Variants in MTHFD1L observed in about 807,000 individuals in gnomAD.
MTHFD1L encodes the protein monofunctional C1-tetrahydrofolate synthase, mitochondrial.
Under a neutral mutation model 119.5 loss-of-function variants are expected in MTHFD1L, and 81 were observed. The observed-to-expected ratio is 0.68, with a 90% CI of 0.57 to 0.82. The LOEUF is 0.82. Ranked by LOEUF, MTHFD1L falls within the 40% of genes least tolerant of loss-of-function variation. The pLI is 0.00. For missense variants in MTHFD1L, 1,125 were observed against 1,253.4 expected, an observed-to-expected ratio of 0.90 and a Z score of 1.55; for synonymous variants, 430 against 475.2, an observed-to-expected ratio of 0.90 and a Z score of 1.24.
intron 26 of MTHFD1L, among the ~76,000 whole-genome samples, chr6:151,072,600 G>A (rs1041270721): frequency 1.3e-5 from 2 of 151,926 alleles, no homozygotes; most frequent in Non-Finnish European, 2.9e-5. Flanking sequence ...ATCAGCATGA[G>A]CAACATGTTG....
At chr6:150,871,324 G>GGT (rs762053931) in intron 1 of MTHFD1L, among the ~76,000 whole-genome samples, 64 of 149,476 alleles carry the variant, frequency 4.3e-4, no homozygotes, top group Non-Finnish European at 7.8e-4. Context: ...AAGACAATGA[G>GGT]GTTTGCTGTA....
chr6:150,921,910 C>G (rs1562383166), intron 9 of MTHFD1L, among the ~76,000 whole-genome samples: 1 of 152,174 alleles, frequency 6.6e-6, no homozygotes, highest in East Asian at 1.9e-4. Flanking sequence ...GCTGGATCAT[C>G]AAGTTCATGC....
intron 8 of MTHFD1L, among the ~76,000 whole-genome samples, chr6:150,908,080 G>A (rs946134220): frequency 2.3e-5 from 3 of 130,678 alleles, no homozygotes; most frequent in African/African-American, 5.8e-5. Flanking sequence ...TTTTTTTTTT[G>A]TATTTTTAGT....
chr6:151,062,918 A>G (rs1484318384), intron 26 of MTHFD1L, among the ~76,000 whole-genome samples: 1 of 152,074 alleles, frequency 6.6e-6, no homozygotes, highest in Non-Finnish European at 1.5e-5. Flanking sequence ...TAGCATTAGG[A>G]GATATACCTA....
intron 27 of MTHFD1L, among the ~76,000 whole-genome samples, chr6:151,093,889 C>T (rs959042708): frequency 1.3e-5 from 2 of 152,184 alleles, no homozygotes; most frequent in Non-Finnish European, 2.9e-5. Flanking sequence ...CGGGTTTGCA[C>T]AGTCTCAGGT....
intron 20 of MTHFD1L, among the ~76,000 whole-genome samples, chr6:150,976,997 CCTTTAATGAGCATTTATTAAG>C (rs1776674716): frequency 6.6e-6 from 1 of 152,122 alleles, no homozygotes; most frequent in African/African-American, 2.4e-5. Context: ...CTTCAGTACC[CCTTTAATGAGCATTTATTAAG>C]CTTCTGCTAT....
chr6:150,938,077 G>T (rs1792426209), intron 12 of MTHFD1L, among the ~76,000 whole-genome samples: 1 of 152,166 alleles, frequency 6.6e-6, no homozygotes, highest in East Asian at 1.9e-4. Context: ...GAATGCAGTG[G>T]TGCAATCTCG....
intron 8 of MTHFD1L, among the ~76,000 whole-genome samples, chr6:150,906,998 C>A (rs1196485552): frequency 1.5e-4 from 22 of 150,266 alleles, no homozygotes; most frequent in African/African-American, 5.4e-4. Context: ...ATTCATATAA[C>A]TTTTTTTCCC....
chr6:150,989,557 C>G (rs1363109306), intron 20 of MTHFD1L, among the ~76,000 whole-genome samples: 2 of 152,118 alleles, frequency 1.3e-5, no homozygotes, highest in Non-Finnish European at 2.9e-5. Context: ...TTTTAGTTTG[C>G]TAGTGGATGC....
intron 7 of MTHFD1L, among the ~76,000 whole-genome samples, chr6:150,900,924 A>G (rs180772735): frequency 9.2e-5 from 14 of 152,088 alleles, no homozygotes; most frequent in African/African-American, 3.1e-4. Flanking sequence ...CTGAGGCAGG[A>G]GAATGGCATG....
intron 16 of MTHFD1L, among the ~76,000 whole-genome samples, chr6:150,950,609 C>T (rs1312430178): frequency 6.6e-6 from 1 of 152,194 alleles, no homozygotes; most frequent in African/African-American, 2.4e-5. Context: ...GACCCAAAAG[C>T]TCTGCCCACA....
intron 9 of MTHFD1L, among the ~76,000 whole-genome samples, chr6:150,921,690 G>A (rs1788966456): frequency 6.6e-6 from 1 of 152,156 alleles, no homozygotes; most frequent in Non-Finnish European, 1.5e-5. Flanking sequence ...TGGGATTATA[G>A]GTGCGCATCA....
At chr6:150,976,568 G>A (rs868819122) in intron 20 of MTHFD1L, among the ~76,000 whole-genome samples, 2 of 152,140 alleles carry the variant, frequency 1.3e-5, no homozygotes, top group Non-Finnish European at 2.9e-5. Context: ...AAAAGTTGTC[G>A]TTTATAGTAG....
intron 11 of MTHFD1L, chr6:150,935,348 C>A (rs1791876925): frequency 6.2e-7 from 1 of 1,613,364 alleles, no homozygotes; most frequent in Non-Finnish European, 8.5e-7. Context: ...TCAAGGAGTC[C>A]CTGTACTTAT....
At chr6:151,101,319 C>A (rs1168369540) in intron 27 of MTHFD1L, among the ~76,000 whole-genome samples, 1 of 152,124 alleles carries the variant, frequency 6.6e-6, no homozygotes, top group Admixed American at 6.5e-5. Flanking sequence ...TGTGCCTGCT[C>A]TTATAGAGTG....
chr6:151,068,476 C>T (rs1791568748), intron 26 of MTHFD1L, among the ~76,000 whole-genome samples: 1 of 152,144 alleles, frequency 6.6e-6, no homozygotes, highest in Non-Finnish European at 1.5e-5. Flanking sequence ...GTAGCTGCTG[C>T]GGGTCAGATT....
intron 1 of MTHFD1L, among the ~76,000 whole-genome samples, chr6:150,870,904 G>A (rs903093307): frequency 8.0e-5 from 12 of 149,128 alleles, no homozygotes; most frequent in Admixed American, 5.4e-4. Context: ...GAAACAGAGC[G>A]AGACTCCGTC....
intron 7 of MTHFD1L, among the ~76,000 whole-genome samples, chr6:150,900,519 G>T (rs763259967): frequency 1.8e-4 from 28 of 152,078 alleles, no homozygotes; most frequent in African/African-American, 6.3e-4. Flanking sequence ...ACCCGCATCC[G>T]CATGCTCCCA....
chr6:150,957,814 G>A (rs1439922824), intron 17 of MTHFD1L, among the ~76,000 whole-genome samples: 2 of 149,334 alleles, frequency 1.3e-5, no homozygotes, highest in East Asian at 2.0e-4. Flanking sequence ...AAAACCCAGC[G>A]TGTTTACTTA....
Sources: allele counts gnomAD v4.1 joint callset (sites outside exome capture counted in the v4.1 genomes callset), GRCh38; gene constraint gnomAD v4.1.1; transcripts MANE v1.5; gene names NCBI Gene and HGNC (gene_info 2026-07-23, HGNC 2026-07-21).